The following BTBD10 variants were observed in gnomAD, a reference collection of about 807,000 sequenced individuals.
BTBD10 encodes BTB domain containing 10.
BTBD10 carries 21 observed loss-of-function variants against 53.2 expected under a neutral mutation model. The ratio of observed to expected loss-of-function variants is 0.39; its 90% CI spans 0.28 to 0.57. The LOEUF is 0.57. Ranked by LOEUF, BTBD10 falls within the 20% of genes least tolerant of loss-of-function variation. The pLI, the probability that BTBD10 is intolerant of heterozygous loss-of-function variation, is 0.53. For synonymous variants in BTBD10, 149 were observed against 192.7 expected (o/e 0.77, Z 1.88); for missense variants, 360 against 594.7 (o/e 0.61, Z 4.10).
chr11:13,424,514 C>T (rs1950300451), intron 2 of BTBD10, among the ~76,000 whole-genome samples: 1 of 152,150 alleles, frequency 6.6e-6, no homozygotes. Context: ...TAATTCAATA[C>T]TTTCAGATTA....
At chr11:13,404,082 A>T (rs4757152) in intron 7 of BTBD10, among the ~76,000 whole-genome samples, 116,641 of 152,068 alleles carry the variant, frequency 0.77, 45,598 homozygotes, top group Middle Eastern at 0.88. Flanking sequence ...TAAGAGCCAA[A>T]AAAAAGAAAA....
chr11:13,461,587 T>C (rs140275220), intron 1 of BTBD10, among the ~76,000 whole-genome samples: 33 of 152,282 alleles, frequency 2.2e-4, no homozygotes, highest in African/African-American at 7.7e-4. Flanking sequence ...TGCAACTCCA[T>C]AGTTAATAAT....
intron 2 of BTBD10, among the ~76,000 whole-genome samples, chr11:13,438,663 G>A (rs1013309992): frequency 3.3e-5 from 5 of 151,536 alleles, no homozygotes; most frequent in African/African-American, 1.2e-4. Flanking sequence ...TATATACACA[G>A]AAAAAACAGG....
intron 2 of BTBD10, among the ~76,000 whole-genome samples, chr11:13,441,177 G>T (rs1385509803): frequency 1.3e-5 from 2 of 152,072 alleles, no homozygotes; most frequent in Non-Finnish European, 2.9e-5. Flanking sequence ...CCTGCTGAGA[G>T]ATCATAGGCA....
chr11:13,402,954 A>C (rs1179078423), intron 8 of BTBD10, among the ~76,000 whole-genome samples: 1 of 152,210 alleles, frequency 6.6e-6, no homozygotes, highest in Non-Finnish European at 1.5e-5. Context: ...CTATCACTAG[A>C]GAATCTTATG....
At chr11:13,441,182 T>C (rs1275624606) in intron 2 of BTBD10, among the ~76,000 whole-genome samples, 1 of 152,162 alleles carries the variant, frequency 6.6e-6, no homozygotes, top group African/African-American at 2.4e-5. Flanking sequence ...TGAGAGATCA[T>C]AGGCACCCTA....
chr11:13,447,272 T>G (rs1950767266), intron 1 of BTBD10, among the ~76,000 whole-genome samples: 1 of 152,128 alleles, frequency 6.6e-6, no homozygotes, highest in African/African-American at 2.4e-5. Flanking sequence ...AGCCGTTTCT[T>G]TCGAGACAGG....
intron 2 of BTBD10, among the ~76,000 whole-genome samples, chr11:13,427,673 G>T (rs923332634): frequency 3.3e-5 from 5 of 152,132 alleles, no homozygotes; most frequent in Non-Finnish European, 1.5e-5. Context: ...GAAAACTCAT[G>T]CTTTTCATGT....
chr11:13,411,963 C>G (rs1949959839), intron 6 of BTBD10, among the ~76,000 whole-genome samples: 1 of 152,020 alleles, frequency 6.6e-6, no homozygotes, highest in African/African-American at 2.4e-5. Context: ...TCCCGAGTAG[C>G]TGGAATTACA....
chr11:13,398,677 G>T (rs1386002225), intron 8 of BTBD10, among the ~76,000 whole-genome samples: 6 of 152,194 alleles, frequency 3.9e-5, no homozygotes, highest in Non-Finnish European at 5.9e-5. Flanking sequence ...GCAGTGGCTG[G>T]TACTGGTTGT....
At chr11:13,440,352 A>T (rs1950622874) in intron 2 of BTBD10, 1 of 1,048,532 alleles carries the variant, frequency 9.5e-7, no homozygotes, top group African/African-American at 1.7e-5. Flanking sequence ...GGCATAACAA[A>T]ACGCAGGAGT....
At chr11:13,444,310 C>A (rs1950716420) in intron 2 of BTBD10, among the ~76,000 whole-genome samples, 2 of 151,480 alleles carry the variant, frequency 1.3e-5, no homozygotes, top group Non-Finnish European at 2.9e-5. Flanking sequence ...TCAATAATAT[C>A]CCCTAAGTAA....
chr11:13,400,536 T>C (rs963041244), intron 8 of BTBD10, among the ~76,000 whole-genome samples: 4 of 152,208 alleles, frequency 2.6e-5, no homozygotes, highest in African/African-American at 9.6e-5. Context: ...TCACGCACGG[T>C]GCGCTGCACC....
At chr11:13,403,102 A>T (rs957744437) in intron 8 of BTBD10, 66 bp downstream of exon 8, 1 of 982,078 alleles carries the variant, frequency 1.0e-6, no homozygotes, top group Non-Finnish European at 1.5e-6. Flanking sequence ...TCTAAATAAG[A>T]TCCAATTGTT....
In BTBD10 at chr11:13,412,222, C is replaced by T. The variant is rs368563530; in HGVS notation, c.808+1308G>A. ...TAATCCCAGCACTTTGGGAGACCGACGCAGGTGCATCATCTGAGCTCAGGA... is the reference window on the plus strand; with the variant it reads ...TAATCCCAGCACTTTGGGAGACCGATGCAGGTGCATCATCTGAGCTCAGGA... On this transcript the variant is annotated intron_variant, in intron 6 of 8. Coordinates refer to ENST00000278174, the MANE Select transcript of BTBD10 (RefSeq NM_032320.7). Among the ~76,000 whole-genome samples, 42 of 152,186 alleles carry T rather than the reference C, an allele frequency of 2.8e-4. No individual in the cohort carries two copies. In the South Asian group the frequency reaches 6.2e-3, roughly 23 times the overall value.
At position 13,388,014 on chromosome 11, in the gene BTBD10, CAGAAACATTA is replaced by C. The variant is rs1404045514; in HGVS notation, c.*807_*816del. On this transcript the variant is annotated 3_prime_UTR_variant, in exon 9 of 9. Transcript: ENST00000278174. ...TGGTCAATGTGGTTATAAATTTGGTCAGAAACATTAAAACAATGGAATTTTATTTTGATGA... is the reference window on the plus strand; with the variant it reads ...TGGTCAATGTGGTTATAAATTTGGTCAAACAATGGAATTTTATTTTGATGA... 6.6e-6 allele frequency: 1 copy of C among 150,956 alleles called. No individual in the cohort carries two copies. The highest frequency in any genetic ancestry group is 2.4e-5 in the African/African-American group (1 of 40,914). 9.4% of individuals were successfully genotyped at this position (150,956 alleles called of 1,614,324 possible). A position where few individuals can be genotyped will look rare whatever the true frequency, so the allele number is the denominator to read the frequency against.
chr11:13,415,767 G>A (rs1950091788), intron 5 of BTBD10, among the ~76,000 whole-genome samples: 2 of 151,748 alleles, frequency 1.3e-5, no homozygotes, highest in Admixed American at 1.3e-4. Flanking sequence ...TGTAGTAACT[G>A]TCACATCCCA....
intron 8 of BTBD10, among the ~76,000 whole-genome samples, chr11:13,389,718 C>T (rs891416802): frequency 6.6e-6 from 1 of 152,218 alleles, no homozygotes. Flanking sequence ...GCCACCATGC[C>T]GGCCTCTAGC....
At chr11:13,441,975 C>T (rs1016828515) in intron 2 of BTBD10, among the ~76,000 whole-genome samples, 3 of 151,994 alleles carry the variant, frequency 2.0e-5, no homozygotes, top group Non-Finnish European at 2.9e-5. Flanking sequence ...TAAATGAAGC[C>T]CTTTTCCATT....
Sources: allele counts gnomAD v4.1 joint callset (sites outside exome capture counted in the v4.1 genomes callset), GRCh38; gene constraint gnomAD v4.1.1; transcripts MANE v1.5; gene names NCBI Gene and HGNC (gene_info 2026-07-23, HGNC 2026-07-21).